Variants in PRORP observed in about 807,000 individuals in gnomAD.
PRORP encodes the protein mitochondrial ribonuclease P catalytic subunit.
In PRORP, 51 loss-of-function variants were observed where a neutral mutation model predicts 59.4. The ratio of observed to expected loss-of-function variants is 0.86; its 90% CI spans 0.69 to 1.08. The LOEUF (loss-of-function observed/expected upper bound fraction) is 1.08, where lower values mean the gene tolerates loss of function less well. Among genes scored for constraint, PRORP ranks in the 50% least tolerant of loss-of-function variants. The pLI, the probability that PRORP is intolerant of heterozygous loss-of-function variation, is 0.00. For synonymous variants in PRORP, 231 were observed against 245.6 expected (o/e 0.94, Z 0.55); for missense variants, 646 against 690.3 (o/e 0.94, Z 0.72).
intron 4 of PRORP, chr14:35,158,472 A>G: frequency 3.6e-6 from 1 of 277,288 alleles, no homozygotes; most frequent in Non-Finnish European, 7.3e-6. Context: ...TCTTCTTTTT[A>G]ACAAGCTTGT....
Position 35,254,670 on chromosome 14 carries a change from G to A in PRORP, c.1276-12057G>A, listed in dbSNP as rs149166808. Reference sequence around the variant, plus strand: ...GCCTCCCAAAGTGCTGGGATTACAGGCATGAGCCACCGCGCCCAGCCCACT... The same window carrying A: ...GCCTCCCAAAGTGCTGGGATTACAGACATGAGCCACCGCGCCCAGCCCACT... On this transcript the variant is annotated intron_variant, in intron 5 of 7. Transcript: ENST00000534898. Among the ~76,000 whole-genome samples, 1,140 of 152,310 alleles carry A rather than the reference G, an allele frequency of 7.5e-3. 19 individuals are homozygous for A. Among genetic ancestry groups the A allele is most frequent in the African/African-American group, 0.026 (1,081 of 41,560 alleles).
intron 5 of PRORP, among the ~76,000 whole-genome samples, chr14:35,193,774 G>A (rs748159738): frequency 6.6e-5 from 10 of 151,794 alleles, no homozygotes; most frequent in Non-Finnish European, 1.5e-4. Context: ...GTTAAATATT[G>A]AAGTAGAATT....
chr14:35,250,077 G>A (rs1168553369), intron 5 of PRORP, among the ~76,000 whole-genome samples: 1 of 151,902 alleles, frequency 6.6e-6, no homozygotes, highest in South Asian at 2.1e-4. Flanking sequence ...GCGAAACCCT[G>A]TCTCTATAAA....
rs1053719300 is a variant in PRORP at position 35,168,993 on chromosome 14, CTTA to C, written c.1168-11668_1168-11666del. On this transcript the variant is annotated intron_variant, in intron 4 of 7. Transcript: ENST00000534898. ...GCTTTTCCTATTTCTTTGATTTCTGCTTATTATTATTCTACTTTCTTTGAAATT... is the reference window on the plus strand; with the variant it reads ...GCTTTTCCTATTTCTTTGATTTCTGCTTATTATTCTACTTTCTTTGAAATT... 4.0e-5 allele frequency among the ~76,000 whole-genome samples: 6 copies of C among 150,722 alleles called. No individual in the cohort carries two copies. In the East Asian group the frequency reaches 7.8e-4, roughly 20 times the overall value.
chr14:35,189,051 G>A (rs1400667112), intron 5 of PRORP, among the ~76,000 whole-genome samples: 1 of 151,610 alleles, frequency 6.6e-6, no homozygotes, highest in Non-Finnish European at 1.5e-5. Flanking sequence ...TACAGAGTTT[G>A]CATTGTTAGG....
chr14:35,215,912 G>A (rs980282829), intron 5 of PRORP, among the ~76,000 whole-genome samples: 1 of 151,394 alleles, frequency 6.6e-6, no homozygotes, highest in African/African-American at 2.4e-5. Flanking sequence ...GATTACAGGT[G>A]CCCACCACCA....
At chr14:35,247,501 T>C (rs1479179686) in intron 5 of PRORP, among the ~76,000 whole-genome samples, 2 of 152,286 alleles carry the variant, frequency 1.3e-5, no homozygotes, top group South Asian at 2.1e-4. Flanking sequence ...AGTGCAGCCA[T>C]GGCCAGGCTA....
chr14:35,272,575 G>A (rs1234559320), intron 7 of PRORP, among the ~76,000 whole-genome samples: 2 of 152,146 alleles, frequency 1.3e-5, no homozygotes, highest in Admixed American at 6.5e-5. Flanking sequence ...AGGTATAAAG[G>A]TATTGATCTT....
Position 35,145,329 on chromosome 14 carries a change from A to G in PRORP, c.1167+17718A>G, listed in dbSNP as rs1366536597. 2.1e-5 allele frequency among the ~76,000 whole-genome samples: 3 copies of G among 144,646 alleles called. 1 individual carries two copies. Among genetic ancestry groups the G allele is most frequent in the Non-Finnish European group, 4.6e-5 (3 of 65,328 alleles). 94.9% of individuals were successfully genotyped at this position (144,646 alleles called of 152,430 possible). On this transcript the variant is annotated intron_variant, in intron 4 of 7. Coordinates refer to ENST00000534898, the MANE Select transcript of PRORP (RefSeq NM_014672.4). Reference sequence around the variant, plus strand: ...ATTTTCTTTTACTTTTCAAAATGGAAGTGGGTTTTATCCTGATTATAATAT... The same window carrying G: ...ATTTTCTTTTACTTTTCAAAATGGAGGTGGGTTTTATCCTGATTATAATAT...
At position 35,195,349 on chromosome 14, in the gene PRORP, G is replaced by T. The variant is rs565215706; in HGVS notation, c.1275+14572G>T. 3.6e-4 allele frequency among the ~76,000 whole-genome samples: 54 copies of T among 152,094 alleles called. 1 individual carries two copies. The highest frequency in any genetic ancestry group is 1.2e-3 in the African/African-American group (50 of 41,512). Reference sequence around the variant, plus strand: ...TACAGAAGCCAACTGAGTACTGGAGGTGAGTTTACTGACATAGAAAGGTAC... The same window carrying T: ...TACAGAAGCCAACTGAGTACTGGAGTTGAGTTTACTGACATAGAAAGGTAC... On this transcript the variant is annotated intron_variant, in intron 5 of 7. Coordinates refer to ENST00000534898, the MANE Select transcript of PRORP (RefSeq NM_014672.4).
intron 6 of PRORP, among the ~76,000 whole-genome samples, chr14:35,267,516 G>T (rs1306996452): frequency 6.6e-6 from 1 of 152,140 alleles, no homozygotes; most frequent in Non-Finnish European, 1.5e-5. Context: ...ATGCAGGCCG[G>T]GCTCAGCCTG....
chr14:35,214,140 T>G (rs1455272917), intron 5 of PRORP, among the ~76,000 whole-genome samples: 2 of 152,132 alleles, frequency 1.3e-5, no homozygotes, highest in African/African-American at 4.8e-5. Flanking sequence ...ATCCTTCAAA[T>G]AAGAGGAAAA....
rs898444401 is a variant in PRORP at position 35,176,948 on chromosome 14, T to A, written c.1168-3722T>A. Reference sequence around the variant, plus strand: ...CCTAATTTATTGAGAGTTTTTAGCGTGAAGGGCTGTTGAATTTTGTCAAAG... The same window carrying A: ...CCTAATTTATTGAGAGTTTTTAGCGAGAAGGGCTGTTGAATTTTGTCAAAG... On this transcript the variant is annotated intron_variant, in intron 4 of 7. Coordinates refer to ENST00000534898, the MANE Select transcript of PRORP (RefSeq NM_014672.4). 6.6e-5 allele frequency among the ~76,000 whole-genome samples: 10 copies of A among 152,348 alleles called. No individual in the cohort carries two copies. The East Asian group carries it at 9.6e-4, about 15-fold the overall frequency.
At chr14:35,143,890 C>G (rs993657723) in intron 4 of PRORP, 1 of 145,374 alleles carries the variant, frequency 6.9e-6, no homozygotes, top group African/African-American at 2.4e-5. Flanking sequence ...TCAGGTGATC[C>G]GCCCACCGCA....
chr14:35,122,194 T>C (rs1595143395), upstream of PRORP: 6 of 545,610 alleles, frequency 1.1e-5, no homozygotes, highest in Non-Finnish European at 1.7e-5. Context: ...TGGAAAATGG[T>C]TCTCCTTCAG....
rs771671396 is a variant in PRORP at position 35,123,462 on chromosome 14, G to A, written c.217G>A (p.Gly73Ser). ...GGCCAGATATCTCAGGAAAGATGAG[G>A]GCAGTAATAAGCAAGTTTATTCTGT... Reference protein sequence around the residue: ...AKARYLRKDEGSNKQVYSVPH... With the variant: ...AKARYLRKDESSNKQVYSVPH... The change falls in exon 2 of 8, where the codon GGC becomes AGC. Residue 73 changes from glycine (G) to serine (S), a missense_variant. Transcript: ENST00000534898. The A allele has an allele frequency of 1.9e-6, 3 of 1,614,024 alleles. No individual in the cohort carries two copies. Among genetic ancestry groups the A allele is most frequent in the Admixed American group, 1.7e-5 (1 of 59,996 alleles).
At chr14:35,230,951 A>G (rs2050063117) in intron 5 of PRORP, among the ~76,000 whole-genome samples, 1 of 118,788 alleles carries the variant, frequency 8.4e-6, no homozygotes, top group East Asian at 2.0e-4. Flanking sequence ...ACACACACAC[A>G]CACACACACA....
At chr14:35,159,101 C>T (rs1297808033) in intron 4 of PRORP, 2 of 192,336 alleles carry the variant, frequency 1.0e-5, no homozygotes, top group Non-Finnish European at 2.2e-5. Context: ...TCTCGCACTC[C>T]AGGTCATTCT....
intron 5 of PRORP, among the ~76,000 whole-genome samples, chr14:35,241,578 C>T (rs529404889): frequency 7.2e-5 from 11 of 152,264 alleles, no homozygotes; most frequent in African/African-American, 2.6e-4. Context: ...CATTCCAAAC[C>T]TCAGTGAGAA....
Sources: gnomAD v4.1 joint callset for allele counts (sites outside exome capture counted in the v4.1 genomes callset) on GRCh38, gnomAD v4.1.1 for gene constraint, MANE v1.5 for transcripts, NCBI Gene and HGNC (gene_info 2026-07-23, HGNC 2026-07-21) for gene names.